The following CENPO variants were observed in gnomAD, a reference collection of about 807,000 sequenced individuals.
CENPO encodes the protein centromeric protein O.
CENPO carries 30 observed loss-of-function variants against 36.1 expected under a neutral mutation model. The ratio of observed to expected loss-of-function variants is 0.83; its 90% CI spans 0.62 to 1.13. The LOEUF (loss-of-function observed/expected upper bound fraction) is 1.13. CENPO is among the 50% of genes most tolerant of loss of function. The probability of loss-of-function intolerance (pLI) is 0.00; values close to 1 mark genes in which losing one functional copy is unlikely to be tolerated. For missense variants in CENPO, 349 were observed against 357.8 expected, an observed-to-expected ratio of 0.98 and a Z score of 0.20; for synonymous variants, 171 against 142.3, an observed-to-expected ratio of 1.20 and a Z score of -1.44.
rs17799872 is a variant in CENPO, at chr2:24,822,088, G to A, written c.*2770G>A. On this transcript the variant is annotated 3_prime_UTR_variant, in exon 8 of 8. Transcript: ENST00000380834. ...AGGATGATGGTGTTTTAAGACCAGAGCTTGGGACCAGGGCTCCTACACCTA... is the reference window on the plus strand; with the variant it reads ...AGGATGATGGTGTTTTAAGACCAGAACTTGGGACCAGGGCTCCTACACCTA... 0.067 allele frequency: 12,711 copies of A among 189,014 alleles called. 485 individuals are homozygous for A. The highest frequency in any genetic ancestry group is 0.077 in the Non-Finnish European group (7,038 of 90,832). 11.7% of individuals were successfully genotyped at this position (189,014 alleles called of 1,614,324 possible). A position where few individuals can be genotyped will look rare whatever the true frequency, so the allele number is the denominator to read the frequency against.
rs1189094560 is a variant in CENPO, at chr2:24,820,550, C to T, written c.*1232C>T. 1.4e-6 allele frequency: 2 copies of T among 1,410,010 alleles called. No homozygotes were observed. The highest frequency in any genetic ancestry group is 2.0e-4 in the Middle Eastern group (1 of 4,892). The allele number at this position is 1,410,010 out of a possible 1,614,324, so 87.3% of individuals were successfully genotyped here. ...ATTTTGTGGATGGGTGGAAGTGTTT[C>T]TTCCTGTGCTGAGGCTAGCTATTGC... On this transcript the variant is annotated 3_prime_UTR_variant, in exon 8 of 8. Coordinates refer to ENST00000380834, the MANE Select transcript of CENPO (RefSeq NM_001322101.2).
chr2:24,811,530 C>T (rs569129848), intron 3 of CENPO, among the ~76,000 whole-genome samples: 86 of 150,808 alleles, frequency 5.7e-4, no homozygotes, highest in African/African-American at 8.8e-4. Flanking sequence ...GGTGCGGTCT[C>T]GGCTCACTGC....
At chr2:24,801,468 T>G (rs1028555553) in intron 3 of CENPO, among the ~76,000 whole-genome samples, 8 of 152,122 alleles carry the variant, frequency 5.3e-5, no homozygotes, top group African/African-American at 1.7e-4. Context: ...TAGGTCTAAC[T>G]TTTAAGTCTT....
intron 2 of CENPO, among the ~76,000 whole-genome samples, chr2:24,799,463 T>C (rs548383349): frequency 6.6e-5 from 10 of 152,306 alleles, no homozygotes; most frequent in Admixed American, 6.5e-4. Flanking sequence ...GATCCTGTTT[T>C]ACATCACTCT....
In CENPO at chr2:24,821,330, T is replaced by A; in HGVS notation, c.*2012T>A. 1 of 756,662 alleles carries A rather than the reference T, an allele frequency of 1.3e-6. No individual in the cohort carries two copies. Among genetic ancestry groups the A allele is most frequent in the Non-Finnish European group, 2.1e-6 (1 of 482,474 alleles). 46.9% of individuals were successfully genotyped at this position (756,662 alleles called of 1,614,324 possible). On this transcript the variant is annotated 3_prime_UTR_variant, in exon 8 of 8. Coordinates refer to ENST00000380834, the MANE Select transcript of CENPO (RefSeq NM_001322101.2). ...TAGTCGGATCATCACATCAGCTGGG[T>A]TTTTGGTTTAGTCATCTAGAGTCGT...
intron 5 of CENPO, chr2:24,816,078 A>G (rs560196283): frequency 6.1e-6 from 2 of 327,282 alleles, no homozygotes; most frequent in South Asian, 7.1e-5. Flanking sequence ...ACTATGTACC[A>G]TACCGAGTGC....
rs766367790 is a variant in CENPO at position 24,816,807 on chromosome 2, G to A, written c.756G>A (p.Val252=). 1 of 1,599,584 alleles carries A rather than the reference G, an allele frequency of 6.3e-7. No individual in the cohort carries two copies. Among genetic ancestry groups the A allele is most frequent in the Non-Finnish European group, 8.5e-7 (1 of 1,173,116 alleles). ...LTATLPTDVT[V]TCQGVEVLST... is the part of the protein sequence containing the mutation. ...CAACTCTTCCCACTGACGTCACCGT[G>A]ACATGTCAAGGTAAGAAGGGTGCCT... is the stretch of plus-strand genomic sequence containing the variant. The change falls in exon 6 of 8, where the codon GTG becomes GTA. Residue 252 remains valine, a synonymous_variant. Coordinates refer to ENST00000380834, the MANE Select transcript of CENPO (RefSeq NM_001322101.2).
At chr2:24,796,260 A>C (rs947236652) in intron 2 of CENPO, among the ~76,000 whole-genome samples, 3 of 152,170 alleles carry the variant, frequency 2.0e-5, no homozygotes, top group African/African-American at 7.2e-5. Context: ...AGGCTGAAGC[A>C]GGAGAATTGC....
chr2:24,821,270 C>T lies in CENPO; in HGVS notation c.*1952C>T, dbSNP rs1162714622. 2 of 507,118 alleles carry T rather than the reference C, an allele frequency of 3.9e-6. No homozygotes were observed. Among genetic ancestry groups the T allele is most frequent in the East Asian group, 3.6e-5 (1 of 27,670 alleles). 31.4% of individuals were successfully genotyped at this position (507,118 alleles called of 1,614,324 possible). The stretch of plus-strand genomic sequence containing the variant: ...ATCACAAACTCACTTCTCAGCCAGG[C>T]AGGCCAAGCTTCTATTGTAACAGTA... On this transcript the variant is annotated 3_prime_UTR_variant, in exon 8 of 8. Transcript: ENST00000380834.
rs1572767235 is a variant in CENPO at position 24,821,107 on chromosome 2, T to C, written c.*1789T>C. The stretch of plus-strand genomic sequence containing the variant: ...AGTGGCCAGCTTCTAACACAGCTGG[T>C]ATTTCAAGTCTCCTGGGACCTCACT... On this transcript the variant is annotated 3_prime_UTR_variant, in exon 8 of 8. Coordinates refer to ENST00000380834, the MANE Select transcript of CENPO (RefSeq NM_001322101.2). The C allele has an allele frequency of 2.0e-6, 1 of 489,840 alleles. No individual in the cohort carries two copies. Among genetic ancestry groups the C allele is most frequent in the African/African-American group, 2.0e-5 (1 of 50,288 alleles). The allele number at this position is 489,840 out of a possible 1,614,324, so 30.3% of individuals were successfully genotyped here. A position where few individuals can be genotyped will look rare whatever the true frequency, so the allele number is the denominator to read the frequency against.
rs1302685187 is a variant in CENPO at position 24,817,587 on chromosome 2, A to C, written c.767-83A>C. The C allele has an allele frequency of 1.9e-6, 3 of 1,564,440 alleles. No individual in the cohort carries two copies. The East Asian group carries it at 6.8e-5, about 35-fold the overall frequency. ...TCCAGGCTCCGATTCCCCCAGCTGC[A>C]CTGAATGAGATTGAATATCAGTGAT... On this transcript the variant is annotated intron_variant, in intron 6 of 7. Transcript: ENST00000380834.
At position 24,815,767 on chromosome 2, in the gene CENPO, G is replaced by C; in HGVS notation, c.594+11G>C. On this transcript the variant is annotated intron_variant, in intron 5 of 7. Coordinates refer to ENST00000380834, the MANE Select transcript of CENPO (RefSeq NM_001322101.2). ...GCAGACCGGCTTCAGGTATCTCTCT[G>C]GGATGTTATATGCCTCATCCGTGGG... is the stretch of plus-strand genomic sequence containing the variant. 1.2e-6 allele frequency: 2 copies of C among 1,613,756 alleles called. No homozygotes were observed. Among genetic ancestry groups the C allele is most frequent in the Non-Finnish European group, 8.5e-7 (1 of 1,179,692 alleles).
In CENPO at chr2:24,821,047, AC is replaced by A. The variant is rs3214642; in HGVS notation, c.*1739del. ...GTGTGCTTGTTAGGTGTCAGCCGCC[AC>A]CCCCCCCCCATATGCAGATTTACTC... On this transcript the variant is annotated 3_prime_UTR_variant, in exon 8 of 8. Coordinates refer to ENST00000380834, the MANE Select transcript of CENPO (RefSeq NM_001322101.2). 0.19 allele frequency: 88,790 copies of A among 479,892 alleles called. 694 individuals carry two copies. Among genetic ancestry groups the A allele is most frequent in the East Asian group, 0.27 (6,607 of 24,542 alleles). The allele number at this position is 479,892 out of a possible 1,614,324, so 29.7% of individuals were successfully genotyped here. A position where few individuals can be genotyped will look rare whatever the true frequency, so the allele number is the denominator to read the frequency against.
At chr2:24,794,098 G>A in intron 2 of CENPO, 133 bp downstream of exon 2, 1 of 746,412 alleles carries the variant, frequency 1.3e-6, no homozygotes, top group Non-Finnish European at 2.4e-6. Context: ...AACTAACATT[G>A]AAGACAAAGG....
rs1381523218 is a variant in CENPO at position 24,799,817 on chromosome 2, G to A, written c.189G>A (p.Arg63=). The A allele has an allele frequency of 1.2e-6, 2 of 1,613,368 alleles. No homozygotes were observed. The highest frequency in any genetic ancestry group is 1.7e-6 in the Non-Finnish European group (2 of 1,179,998). Residue 63 remains arginine, a synonymous_variant, in exon 3 of 8, where the codon AGG becomes AGA. Coordinates refer to ENST00000380834, the MANE Select transcript of CENPO (RefSeq NM_001322101.2). The stretch of plus-strand genomic sequence containing the variant: ...TAAGGCGTCTGCGAGATGAGCTGAG[G>A]GCTGTGGTGCGGCACCGGCGAGCCA... ...HKLRRLRDEL[R]AVVRHRRASV...
chr2:24,798,168 G>C (rs62140562), intron 2 of CENPO, among the ~76,000 whole-genome samples: 36,827 of 151,998 alleles, frequency 0.24, 4,844 homozygotes, highest in Middle Eastern at 0.33. Flanking sequence ...CTTTTAAGTA[G>C]TTTTCCTGGA....
chr2:24,816,938 C>T, intron 6 of CENPO, 121 bp downstream of exon 6: 2 of 782,630 alleles, frequency 2.6e-6, no homozygotes, highest in Admixed American at 6.1e-5. Flanking sequence ...ATATACTGTA[C>T]ATTACTCAGA....
intron 2 of CENPO, among the ~76,000 whole-genome samples, chr2:24,797,512 A>T (rs1254889636): frequency 2.0e-5 from 3 of 152,200 alleles, no homozygotes. Context: ...AGGTCTTAGG[A>T]CTGAGCTCTG....
chr2:24,810,831 T>G (rs1484364818), intron 3 of CENPO, among the ~76,000 whole-genome samples: 1 of 152,144 alleles, frequency 6.6e-6, no homozygotes, highest in Non-Finnish European at 1.5e-5. Context: ...TTTTCTGTCT[T>G]TCTGCTTCCA....
Sources: allele counts gnomAD v4.1 joint callset (sites outside exome capture counted in the v4.1 genomes callset), GRCh38; gene constraint gnomAD v4.1.1; transcripts MANE v1.5; gene names NCBI Gene and HGNC (gene_info 2026-07-23, HGNC 2026-07-21).